Variants in CACNB2 observed in about 807,000 individuals in gnomAD.
CACNB2 encodes the protein calcium voltage-gated channel auxiliary subunit beta 2, also known as voltage-dependent L-type calcium channel subunit beta-2.
Under a neutral mutation model 73.3 loss-of-function variants are expected in CACNB2, and 42 were observed. The ratio of observed to expected loss-of-function variants is 0.57; its 90% CI spans 0.45 to 0.74. The LOEUF (loss-of-function observed/expected upper bound fraction) is 0.74. Among genes scored for constraint, CACNB2 ranks in the 30% least tolerant of loss-of-function variants. The pLI, the probability that CACNB2 is intolerant of heterozygous loss-of-function variation, is 0.00. For missense variants in CACNB2, 940 were observed against 853.0 expected (o/e 1.10, Z -1.27); for synonymous variants, 348 against 310.3 (o/e 1.12, Z -1.28).
chr10:18,416,036 G>A (rs2044939368), intron 3 of CACNB2, among the ~76,000 whole-genome samples: 1 of 152,016 alleles, frequency 6.6e-6, no homozygotes, highest in African/African-American at 2.4e-5. Context: ...CGTCACCCAA[G>A]TACAGCAGTT....
At chr10:18,184,228 G>C (rs1321592951) in intron 2 of CACNB2, among the ~76,000 whole-genome samples, 2 of 152,182 alleles carry the variant, frequency 1.3e-5, no homozygotes, top group Admixed American at 6.5e-5. Context: ...GCAAGAGAAA[G>C]ACAGGACTTC....
chr10:18,326,697 T>G (rs895910070), intron 2 of CACNB2, among the ~76,000 whole-genome samples: 13 of 152,198 alleles, frequency 8.5e-5, no homozygotes, highest in African/African-American at 3.1e-4. Context: ...AAAATTTTAT[T>G]TATGCTCCTT....
intron 2 of CACNB2, among the ~76,000 whole-genome samples, chr10:18,230,993 G>T (rs1397252412): frequency 6.6e-6 from 1 of 152,100 alleles, no homozygotes; most frequent in African/African-American, 2.4e-5. Context: ...GGGGAGGAGA[G>T]AAGGAAGGTT....
chr10:18,342,086 T>C (rs1242724766), intron 2 of CACNB2, among the ~76,000 whole-genome samples: 1 of 152,216 alleles, frequency 6.6e-6, no homozygotes, highest in Non-Finnish European at 1.5e-5. Flanking sequence ...TAGAAATTAT[T>C]CTGTACCTGT....
intron 1 of CACNB2, among the ~76,000 whole-genome samples, chr10:18,143,579 C>T (rs745426447): frequency 1.3e-5 from 2 of 152,220 alleles, no homozygotes; most frequent in South Asian, 2.1e-4. Context: ...GTTCATCTCA[C>T]ACCCATTATT....
At chr10:18,181,809 A>T (rs1345711834) in intron 2 of CACNB2, 1 of 150,346 alleles carries the variant, frequency 6.7e-6, no homozygotes, top group African/African-American at 2.5e-5. Context: ...TTTTACAGAG[A>T]TGGAGTCTTG....
intron 3 of CACNB2, among the ~76,000 whole-genome samples, chr10:18,478,143 G>A (rs778439324): frequency 3.6e-4 from 54 of 152,106 alleles, no homozygotes; most frequent in Non-Finnish European, 6.2e-4. Flanking sequence ...TGTTGCCCAG[G>A]ATGGTCTCAA....
intron 3 of CACNB2, among the ~76,000 whole-genome samples, chr10:18,478,778 A>G (rs181083659): frequency 1.7e-3 from 253 of 152,316 alleles, no homozygotes; most frequent in African/African-American, 5.7e-3. Context: ...TAAATTTGTA[A>G]ATAGTCTCTT....
chr10:18,176,800 C>T (rs1247555142), intron 2 of CACNB2, among the ~76,000 whole-genome samples: 2 of 151,610 alleles, frequency 1.3e-5, no homozygotes, highest in Non-Finnish European at 2.9e-5. Flanking sequence ...GGTGGGCAGG[C>T]ATGGTTCAGT....
intron 3 of CACNB2, among the ~76,000 whole-genome samples, chr10:18,428,038 G>A (rs2045694234): frequency 1.3e-5 from 2 of 151,960 alleles, no homozygotes; most frequent in Non-Finnish European, 2.9e-5. Flanking sequence ...AATTTCATAT[G>A]TAGTATTTCA....
chr10:18,352,119 TA>T (rs2041732889), intron 2 of CACNB2, among the ~76,000 whole-genome samples: 1 of 152,222 alleles, frequency 6.6e-6, no homozygotes, highest in African/African-American at 2.4e-5. Flanking sequence ...AAGTACAACT[TA>T]AAAGTACATT....
chr10:18,413,062 C>G (rs927599370), intron 3 of CACNB2, among the ~76,000 whole-genome samples: 4 of 152,334 alleles, frequency 2.6e-5, no homozygotes, highest in African/African-American at 9.6e-5. Flanking sequence ...CTTCTGCCCC[C>G]CGGGTTCAAG....
At chr10:18,455,469 A>G (rs1334581795) in intron 3 of CACNB2, among the ~76,000 whole-genome samples, 1 of 151,482 alleles carries the variant, frequency 6.6e-6, no homozygotes, top group African/African-American at 2.4e-5. Flanking sequence ...ACATTCTGCT[A>G]TTGCTGTTGT....
intron 11 of CACNB2, among the ~76,000 whole-genome samples, chr10:18,534,440 G>T (rs1456258147): frequency 6.6e-6 from 1 of 152,164 alleles, no homozygotes; most frequent in African/African-American, 2.4e-5. Context: ...AGAGTGTTGA[G>T]ACACTTTTAG....
At chr10:18,455,459 A>G (rs774430429) in intron 3 of CACNB2, among the ~76,000 whole-genome samples, 1 of 151,118 alleles carries the variant, frequency 6.6e-6, no homozygotes, top group Non-Finnish European at 1.5e-5. Flanking sequence ...AATCTGGTTT[A>G]CATTCTGCTA....
intron 2 of CACNB2, among the ~76,000 whole-genome samples, chr10:18,327,730 C>T (rs1426580823): frequency 6.6e-6 from 1 of 152,144 alleles, no homozygotes; most frequent in Non-Finnish European, 1.5e-5. Context: ...CGCCCAGCCC[C>T]AGTCATGTTT....
At chr10:18,449,254 G>A (rs959884452) in intron 3 of CACNB2, among the ~76,000 whole-genome samples, 5 of 152,054 alleles carry the variant, frequency 3.3e-5, no homozygotes, top group South Asian at 2.1e-4. Flanking sequence ...GCGTGGTGGC[G>A]GGCGCCTGTA....
intron 3 of CACNB2, among the ~76,000 whole-genome samples, chr10:18,470,118 G>T (rs11595529): frequency 6.6e-6 from 1 of 151,310 alleles, no homozygotes; most frequent in South Asian, 2.1e-4. Flanking sequence ...TATTGAATGC[G>T]TTTTCATCTC....
intron 3 of CACNB2, among the ~76,000 whole-genome samples, chr10:18,474,714 T>C (rs1029066448): frequency 6.6e-6 from 1 of 152,098 alleles, no homozygotes; most frequent in African/African-American, 2.4e-5. Flanking sequence ...AAAGGAAAAC[T>C]GTTTCCTCTC....
Sources: gnomAD v4.1 joint callset for allele counts (sites outside exome capture counted in the v4.1 genomes callset) on GRCh38, gnomAD v4.1.1 for gene constraint, MANE v1.5 for transcripts, NCBI Gene and HGNC (gene_info 2026-07-23, HGNC 2026-07-21) for gene names.